Variants in PLEKHA5 observed in about 807,000 individuals in gnomAD.
The protein encoded by PLEKHA5 is pleckstrin homology domain-containing family A member 5.
In PLEKHA5, 55 loss-of-function variants were observed where a neutral mutation model predicts 181.9. That is an observed-to-expected ratio of 0.30 (90% CI 0.24 to 0.38). PLEKHA5 has a LOEUF of 0.38. Ranked by LOEUF, PLEKHA5 falls within the 10% of genes least tolerant of loss-of-function variation. The pLI, the probability that PLEKHA5 is intolerant of heterozygous loss-of-function variation, is 1.00. For synonymous variants in PLEKHA5, 535 were observed against 529.4 expected, an observed-to-expected ratio of 1.01 and a Z score of -0.15; for missense variants, 1,432 against 1,549.5, an observed-to-expected ratio of 0.92 and a Z score of 1.27.
intron 8 of PLEKHA5, among the ~76,000 whole-genome samples, chr12:19,266,843 A>G (rs2070626138): frequency 6.6e-6 from 1 of 152,268 alleles, no homozygotes; most frequent in Non-Finnish European, 1.5e-5. Flanking sequence ...ATATTTTTTA[A>G]TAAAGATATA....
intron 3 of PLEKHA5, among the ~76,000 whole-genome samples, chr12:19,163,547 A>G (rs768439935): frequency 1.5e-4 from 23 of 152,068 alleles, no homozygotes; most frequent in Non-Finnish European, 2.9e-4. Flanking sequence ...TTTGTCTGAG[A>G]TGAAGGTTAT....
At chr12:19,352,059 A>C in intron 25 of PLEKHA5, among the ~76,000 whole-genome samples, 1 of 135,964 alleles carries the variant, frequency 7.4e-6, no homozygotes, top group African/African-American at 2.8e-5. Context: ...CTGGGCAACA[A>C]GAGCGAAACT....
At chr12:19,322,730 CT>C (rs951934436) in intron 20 of PLEKHA5, 63 bp downstream of exon 20, 72 of 1,150,250 alleles carry the variant, frequency 6.3e-5, no homozygotes, top group South Asian at 1.0e-4. Flanking sequence ...ATTTTCTTCT[CT>C]TTTTTTTAAT....
At chr12:19,132,538 C>A in intron 3 of PLEKHA5, 88 bp downstream of exon 3, 2 of 715,284 alleles carry the variant, frequency 2.8e-6, no homozygotes, top group East Asian at 2.8e-5. Flanking sequence ...CAGTCTTGAT[C>A]ATGATTTTCT....
chr12:19,310,787 T>A (rs1029229201), intron 15 of PLEKHA5, among the ~76,000 whole-genome samples: 1 of 152,178 alleles, frequency 6.6e-6, no homozygotes, highest in Non-Finnish European at 1.5e-5. Context: ...TTTGTTTTTT[T>A]GTTTTTTTGG....
At chr12:19,310,780 G>GT (rs903134953) in intron 15 of PLEKHA5, among the ~76,000 whole-genome samples, 1 of 151,766 alleles carries the variant, frequency 6.6e-6, no homozygotes, top group Non-Finnish European at 1.5e-5. Flanking sequence ...GTGGTTTTTT[G>GT]TTTTTTTGTT....
At chr12:19,314,697 A>C in intron 15 of PLEKHA5, 117 bp from the exon 16 acceptor site, 1 of 694,524 alleles carries the variant, frequency 1.4e-6, no homozygotes, top group Non-Finnish European at 2.7e-6. Context: ...GGTAAAATGT[A>C]AACAACTGCA....
chr12:19,199,525 G>A (rs1254664574), intron 3 of PLEKHA5, among the ~76,000 whole-genome samples: 1 of 152,106 alleles, frequency 6.6e-6, no homozygotes, highest in Non-Finnish European at 1.5e-5. Flanking sequence ...CTCCCCAGTG[G>A]TTGGTTAAAA....
chr12:19,232,238 T>C (rs1442030797), intron 3 of PLEKHA5, among the ~76,000 whole-genome samples: 1 of 152,124 alleles, frequency 6.6e-6, no homozygotes, highest in East Asian at 1.9e-4. Flanking sequence ...TGTCTCTAAA[T>C]TTTGTTGGTT....
chr12:19,307,681 G>T (rs548565395), intron 15 of PLEKHA5: 1 of 342,612 alleles, frequency 2.9e-6, no homozygotes, highest in South Asian at 3.1e-5. Context: ...AAAAGCCCAA[G>T]ACAGAGAAGA....
chr12:19,256,120 A>C (rs1441489226), intron 5 of PLEKHA5, among the ~76,000 whole-genome samples: 1 of 152,144 alleles, frequency 6.6e-6, no homozygotes, highest in Non-Finnish European at 1.5e-5. Context: ...ATTATATGAA[A>C]TCAGTTTTCG....
chr12:19,206,080 C>T (rs2152113554), intron 3 of PLEKHA5, among the ~76,000 whole-genome samples: 1 of 152,148 alleles, frequency 6.6e-6, no homozygotes. Context: ...TCTTTATTTA[C>T]TGATTAGCTA....
chr12:19,265,735 T>C lies in PLEKHA5; in HGVS notation c.611-15T>C. On this transcript the variant is annotated splice_polypyrimidine_tract_variant and intron_variant, in intron 7 of 31. Transcript: ENST00000429027. ...AACATTTAAAATTCTAATCAGATGTTAAATTATCTCTTAGATGAGAAAGAA... is the reference window on the plus strand; with the variant it reads ...AACATTTAAAATTCTAATCAGATGTCAAATTATCTCTTAGATGAGAAAGAA... 1 of 1,387,192 alleles carries C rather than the reference T, an allele frequency of 7.2e-7. No homozygotes were observed. The highest frequency in any genetic ancestry group is 1.0e-6 in the Non-Finnish European group (1 of 990,170). The allele number at this position is 1,387,192 out of a possible 1,614,324, so 85.9% of individuals were successfully genotyped here. A position where few individuals can be genotyped will look rare whatever the true frequency, so the allele number is the denominator to read the frequency against.
Position 19,320,547 on chromosome 12 carries a change from A to AT in PLEKHA5, c.2155-8dup, listed in dbSNP as rs1218798270. ...ATAAGATTTTTTAAGTTGCTATATG[A>AT]TTTTTTTCTTATAGCTGTCACAAGA... On this transcript the variant is annotated splice_polypyrimidine_tract_variant and intron_variant, in intron 17 of 31. Transcript: ENST00000429027. The AT allele has an allele frequency of 5.9e-6, 8 of 1,357,766 alleles. No individual in the cohort carries two copies. Among genetic ancestry groups the AT allele is most frequent in the Non-Finnish European group, 5.2e-6 (5 of 962,832 alleles). The allele number at this position is 1,357,766 out of a possible 1,614,324, so 84.1% of individuals were successfully genotyped here.
intron 3 of PLEKHA5, among the ~76,000 whole-genome samples, chr12:19,231,619 CAT>C (rs1302316769): frequency 3.5e-5 from 1 of 28,230 alleles, no homozygotes; most frequent in African/African-American, 9.0e-5. Flanking sequence ...TATAAATACT[CAT>C]AAAGCTTGAG....
intron 12 of PLEKHA5, among the ~76,000 whole-genome samples, chr12:19,284,822 C>T (rs1272451417): frequency 6.6e-6 from 1 of 152,094 alleles, no homozygotes; most frequent in African/African-American, 2.4e-5. Context: ...ATTCCCAACA[C>T]TTTGGGGAGC....
chr12:19,263,786 C>T lies in PLEKHA5; in HGVS notation c.611-1964C>T, dbSNP rs368521073. 3.9e-5 allele frequency among the ~76,000 whole-genome samples: 6 copies of T among 152,058 alleles called. No homozygotes were observed. In the East Asian group the frequency reaches 1.2e-3, roughly 29 times the overall value. Reference sequence around the variant, plus strand: ...TTTTGGAGAGTGTTGTTCTTGGAACCATCAGCTGTGGCAAAGTGAAGGAAG... The same window carrying T: ...TTTTGGAGAGTGTTGTTCTTGGAACTATCAGCTGTGGCAAAGTGAAGGAAG... On this transcript the variant is annotated intron_variant, in intron 7 of 31. Transcript: ENST00000429027.
chr12:19,147,680 A>G (rs944206338), intron 3 of PLEKHA5, among the ~76,000 whole-genome samples: 30 of 152,062 alleles, frequency 2.0e-4, no homozygotes, highest in Admixed American at 1.6e-3. Context: ...GAGAGAAGTA[A>G]AAGAAACTTA....
At chr12:19,201,628 G>C (rs2054228372) in intron 3 of PLEKHA5, 1 of 152,032 alleles carries the variant, frequency 6.6e-6, no homozygotes. Context: ...AAACTACCCA[G>C]CAATAAAAAG....
Sources: allele counts gnomAD v4.1 joint callset (sites outside exome capture counted in the v4.1 genomes callset), GRCh38; gene constraint gnomAD v4.1.1; transcripts MANE v1.5; gene names NCBI Gene and HGNC (gene_info 2026-07-23, HGNC 2026-07-21).